The following OOSP1 variants were observed in gnomAD, a reference collection of about 807,000 sequenced individuals.
OOSP1 encodes the protein putative oocyte-secreted protein 1 homolog.
In OOSP1, 11 loss-of-function variants were observed where a neutral mutation model predicts 5.7. That is an observed-to-expected ratio of 1.94 (90% CI 1.22 to 3.20). The LOEUF (loss-of-function observed/expected upper bound fraction) is 3.20, where lower values mean the gene tolerates loss of function less well. OOSP1 is among the 30% of genes most tolerant of loss of function. OOSP1 has a pLI of 0.00. For synonymous variants in OOSP1, 44 were observed against 20.0 expected (o/e 2.20, Z -3.20); for missense variants, 83 against 54.1 (o/e 1.53, Z -1.67).
At chr11:59,945,395 G>A (rs1853870671) in intron 3 of OOSP1, 129 bp downstream of exon 3, 2 of 695,702 alleles carry the variant, frequency 2.9e-6, no homozygotes, top group Non-Finnish European at 5.2e-6. Flanking sequence ...AACCCTAATG[G>A]GAACACAGAT....
At chr11:59,946,090 G>C (rs1162566805) in intron 3 of OOSP1, among the ~76,000 whole-genome samples, 1 of 152,150 alleles carries the variant, frequency 6.6e-6, no homozygotes, top group Non-Finnish European at 1.5e-5. Flanking sequence ...TCCCTTGCCT[G>C]TCAGGAACCT....
At chr11:59,947,596 G>T in intron 3 of OOSP1, 137 bp from the exon 4 acceptor site, 1 of 391,934 alleles carries the variant, frequency 2.6e-6, no homozygotes, top group Non-Finnish European at 4.5e-6. Context: ...GGGGTGTGTT[G>T]GGGAGTGGTG....
intron 4 of OOSP1, chr11:59,948,965 T>C (rs1853913997): frequency 1.0e-5 from 4 of 392,652 alleles, no homozygotes; most frequent in Non-Finnish European, 1.8e-5. Context: ...CTTTTTAAAA[T>C]AGGAACTGCC....
chr11:59,952,792 A>C (rs1853953202), intron 4 of OOSP1, among the ~76,000 whole-genome samples: 1 of 152,162 alleles, frequency 6.6e-6, no homozygotes, highest in Non-Finnish European at 1.5e-5. Context: ...TATTGAAACC[A>C]AAAAATTCCT....
At chr11:59,943,436 T>C (rs1421065206) in intron 2 of OOSP1, among the ~76,000 whole-genome samples, 1 of 152,202 alleles carries the variant, frequency 6.6e-6, no homozygotes, top group African/African-American at 2.4e-5. Flanking sequence ...TAAGTGTCTA[T>C]TTGTAATATG....
chr11:59,956,241 T>G (rs887880480), intron 4 of OOSP1, among the ~76,000 whole-genome samples: 4 of 152,078 alleles, frequency 2.6e-5, no homozygotes, highest in African/African-American at 9.7e-5. Context: ...GTCAAATGTA[T>G]TAGTTCAAGG....
chr11:59,944,205 T>C (rs1853858899), intron 2 of OOSP1, among the ~76,000 whole-genome samples: 1 of 151,930 alleles, frequency 6.6e-6, no homozygotes. Flanking sequence ...ACATAATTCC[T>C]GGAGGGGGTG....
intron 3 of OOSP1, among the ~76,000 whole-genome samples, chr11:59,946,341 C>T (rs1853883393): frequency 6.6e-6 from 1 of 152,170 alleles, no homozygotes; most frequent in African/African-American, 2.4e-5. Flanking sequence ...CAAAATTGGC[C>T]CCTGGTGCCA....
At chr11:59,955,351 G>T in intron 4 of OOSP1, among the ~76,000 whole-genome samples, 1 of 150,772 alleles carries the variant, frequency 6.6e-6, no homozygotes. Context: ...GGTTTTTTTT[G>T]TCTAATACTA....
chr11:59,946,949 AT>A lies in OOSP1; in HGVS notation c.357-783del, dbSNP rs1853890394. 2.0e-5 allele frequency among the ~76,000 whole-genome samples: 3 copies of A among 150,310 alleles called. No homozygotes were observed. The South Asian group carries it at 6.3e-4, about 31-fold the overall frequency. On this transcript the variant is annotated intron_variant, in intron 3 of 4. Transcript: ENST00000646685. ...TATCTATCTATCTATCTATCTATCT[AT>A]CTATCTATCTATCTATCTGTCTATC... is the stretch of plus-strand genomic sequence containing the variant.
At chr11:59,942,537 T>C (rs1323072489) in intron 1 of OOSP1, among the ~76,000 whole-genome samples, 3 of 152,188 alleles carry the variant, frequency 2.0e-5, no homozygotes, top group Non-Finnish European at 4.4e-5. Context: ...AATATAGATA[T>C]AGTCTTGTGA....
At chr11:59,945,138 C>T (rs1012907820) in intron 2 of OOSP1, 31 bp from the exon 3 acceptor site, 2 of 701,854 alleles carry the variant, frequency 2.8e-6, no homozygotes, top group Non-Finnish European at 5.2e-6. Context: ...TTGAGACAAA[C>T]ATGGGTTTAA....
chr11:59,941,215 G>A (rs981105465), intron 1 of OOSP1, among the ~76,000 whole-genome samples: 12 of 152,140 alleles, frequency 7.9e-5, no homozygotes, highest in African/African-American at 2.7e-4. Flanking sequence ...ATTCCTTGAA[G>A]ATTCATCCAA....
At chr11:59,957,452 A>G (rs1854003786) in exon 5 of OOSP1, 1 of 369,424 alleles carries the variant, frequency 2.7e-6, no homozygotes, top group South Asian at 1.5e-4. Flanking sequence ...ATCTTCAACC[A>G]CCTATTTTCC....
At position 59,947,875 on chromosome 11, in the gene OOSP1, C is replaced by A. The variant is rs1414429638; in HGVS notation, c.486+13C>A. 7.5e-6 allele frequency: 3 copies of A among 398,676 alleles called. No homozygotes were observed. The highest frequency in any genetic ancestry group is 1.3e-4 in the South Asian group (1 of 7,844). The allele number at this position is 398,676 out of a possible 1,614,324, so 24.7% of individuals were successfully genotyped here. On this transcript the variant is annotated intron_variant, in intron 4 of 4. Coordinates refer to ENST00000646685, the Ensembl canonical transcript of OOSP1. ...CAACACAATCTTGGTAAGAACCCTT[C>A]AAAACTGGCATCTTATGATTTTTGT...
chr11:59,956,698 CTTGCCCCT>C (rs1285029577), intron 4 of OOSP1, among the ~76,000 whole-genome samples: 2 of 152,112 alleles, frequency 1.3e-5, no homozygotes, highest in African/African-American at 2.4e-5. Context: ...TCTTTTATCC[CTTGCCCCT>C]TTCCCACTCT....
chr11:59,939,140 C>G (rs1046316766), intron 1 of OOSP1, among the ~76,000 whole-genome samples: 20 of 152,062 alleles, frequency 1.3e-4, no homozygotes, highest in African/African-American at 3.6e-4. Context: ...TTCTCTTTCT[C>G]TTTTCCTTTC....
At chr11:59,952,700 G>C (rs891396598) in intron 4 of OOSP1, among the ~76,000 whole-genome samples, 14 of 152,026 alleles carry the variant, frequency 9.2e-5, no homozygotes, top group Non-Finnish European at 1.9e-4. Context: ...TACACTACTT[G>C]GTCCTGGGTG....
chr11:59,943,716 C>G (rs1853854370), intron 2 of OOSP1, among the ~76,000 whole-genome samples: 1 of 152,148 alleles, frequency 6.6e-6, no homozygotes, highest in East Asian at 1.9e-4. Flanking sequence ...GCATCAGAAG[C>G]CTTTTCAAAG....
Sources: gnomAD v4.1 joint callset for allele counts (sites outside exome capture counted in the v4.1 genomes callset) on GRCh38, gnomAD v4.1.1 for gene constraint, MANE v1.5 for transcripts, NCBI Gene and HGNC (gene_info 2026-07-23, HGNC 2026-07-21) for gene names.